The following PCSK6 variants were observed in gnomAD, a reference collection of about 807,000 sequenced individuals.
PCSK6 encodes the protein paired basic amino acid cleaving enzyme 4.
A neutral mutation model predicts 123.3 loss-of-function variants in PCSK6; 85 were observed. The ratio of observed to expected loss-of-function variants is 0.69; its 90% CI spans 0.58 to 0.83. The LOEUF (loss-of-function observed/expected upper bound fraction) is 0.83. PCSK6 is among the 40% of genes least tolerant of loss of function. The probability of loss-of-function intolerance (pLI) is 0.00; values close to 1 mark genes in which losing one functional copy is unlikely to be tolerated. For synonymous variants in PCSK6, 508 were observed against 516.0 expected, an observed-to-expected ratio of 0.98 and a Z score of 0.21; for missense variants, 1,191 against 1,282.3, an observed-to-expected ratio of 0.93 and a Z score of 1.09.
At chr15:101,433,391 T>A (rs1384156693) in intron 2 of PCSK6, among the ~76,000 whole-genome samples, 1 of 152,238 alleles carries the variant, frequency 6.6e-6, no homozygotes, top group Non-Finnish European at 1.5e-5. Context: ...TGAGTGGGAA[T>A]GTTTTCTTTG....
intron 1 of PCSK6, among the ~76,000 whole-genome samples, chr15:101,478,107 T>C (rs1416440053): frequency 6.6e-6 from 1 of 152,124 alleles, no homozygotes; most frequent in East Asian, 1.9e-4. Flanking sequence ...TAGCCTTTCC[T>C]AATAGACACA....
chr15:101,446,267 GC>G (rs1352554665), intron 1 of PCSK6, among the ~76,000 whole-genome samples: 1 of 152,270 alleles, frequency 6.6e-6, no homozygotes, highest in Non-Finnish European at 1.5e-5. Context: ...TCTGTGACTG[GC>G]TTATGTCATT....
At chr15:101,376,732 T>C (rs1216013455) in intron 11 of PCSK6, among the ~76,000 whole-genome samples, 1 of 152,224 alleles carries the variant, frequency 6.6e-6, no homozygotes, top group African/African-American at 2.4e-5. Flanking sequence ...TGCAAGAACA[T>C]AACCAGCTGG....
intron 1 of PCSK6, among the ~76,000 whole-genome samples, chr15:101,446,892 CT>C (rs1156471654): frequency 6.6e-6 from 1 of 152,178 alleles, no homozygotes; most frequent in Non-Finnish European, 1.5e-5. Context: ...AGGCCCCGTC[CT>C]TCTGTCTGAC....
intron 10 of PCSK6, among the ~76,000 whole-genome samples, chr15:101,382,617 G>C (rs780540642): frequency 6.6e-6 from 1 of 152,100 alleles, no homozygotes; most frequent in African/African-American, 2.4e-5. Flanking sequence ...CAATTACCAC[G>C]TGCCCGAAAT....
intron 18 of PCSK6, among the ~76,000 whole-genome samples, chr15:101,320,962 C>A (rs985961899): frequency 3.3e-5 from 5 of 152,216 alleles, no homozygotes; most frequent in Non-Finnish European, 5.9e-5. Context: ...CATTGAGTAT[C>A]CGATTTCCCT....
At chr15:101,352,530 C>T (rs2040920739) in intron 13 of PCSK6, among the ~76,000 whole-genome samples, 1 of 152,196 alleles carries the variant, frequency 6.6e-6, no homozygotes, top group South Asian at 2.1e-4. Context: ...GGCCAATTAT[C>T]AATAACTCTT....
At chr15:101,382,328 C>G (rs1397526718) in intron 10 of PCSK6, 119 bp from the exon 11 acceptor site, 2 of 755,432 alleles carry the variant, frequency 2.6e-6, no homozygotes, top group African/African-American at 3.5e-5. Context: ...CTCGAGGTCT[C>G]CTGGGGGCCC....
At chr15:101,325,323 T>A (rs2040227487) in intron 16 of PCSK6, among the ~76,000 whole-genome samples, 1 of 152,184 alleles carries the variant, frequency 6.6e-6, no homozygotes, top group South Asian at 2.1e-4. Flanking sequence ...AGGTTCGTAT[T>A]TGACTTTTGG....
intron 20 of PCSK6, 99 bp downstream of exon 20, chr15:101,313,277 C>A (rs769227483): frequency 1.4e-5 from 22 of 1,594,004 alleles, no homozygotes; most frequent in Non-Finnish European, 1.9e-5. Flanking sequence ...ATGCAACATG[C>A]CCTCCCCGGC....
chr15:101,324,839 A>G lies in PCSK6; in HGVS notation c.2377+11T>C, dbSNP rs370466251. On this transcript the variant is annotated intron_variant, in intron 17 of 21. Coordinates refer to ENST00000611716, the MANE Select transcript of PCSK6 (RefSeq NM_002570.5). The stretch of plus-strand genomic sequence containing the variant: ...CTCATCAGTTCTTGTACCCACAAAC[A>G]AGCCACTTACTTTCATCAGCATAAA... 1.0e-4 allele frequency: 162 copies of G among 1,605,268 alleles called. 1 individual carries two copies. In the African/African-American group the frequency reaches 1.5e-3, roughly 15 times the overall value.
chr15:101,403,428 TA>T (rs67170668), intron 6 of PCSK6, among the ~76,000 whole-genome samples: 53,651 of 145,006 alleles, frequency 0.37, 10,644 homozygotes, highest in Non-Finnish European at 0.45. Context: ...TAATAATAAT[TA>T]AAAAAAAAGA....
chr15:101,329,247 T>C (rs1010023453), intron 15 of PCSK6, among the ~76,000 whole-genome samples: 6 of 152,134 alleles, frequency 3.9e-5, no homozygotes, highest in Non-Finnish European at 5.9e-5. Context: ...CACAAACAAA[T>C]AAATGTTAGA....
chr15:101,443,304 T>C (rs950347665), intron 2 of PCSK6, among the ~76,000 whole-genome samples: 1 of 152,218 alleles, frequency 6.6e-6, no homozygotes, highest in Admixed American at 6.5e-5. Flanking sequence ...GAGTTTTTGT[T>C]TCATGGGTAA....
chr15:101,380,556 T>C (rs1190707423), intron 11 of PCSK6, among the ~76,000 whole-genome samples: 1 of 152,264 alleles, frequency 6.6e-6, no homozygotes, highest in Non-Finnish European at 1.5e-5. Context: ...AAGTCAAGAC[T>C]GAGGCTTGTC....
At chr15:101,386,649 C>T (rs139512583) in intron 9 of PCSK6, among the ~76,000 whole-genome samples, 2 of 152,306 alleles carry the variant, frequency 1.3e-5, no homozygotes, top group African/African-American at 2.4e-5. Context: ...CTTGAGGGAC[C>T]TCATCATAAT....
intron 1 of PCSK6, among the ~76,000 whole-genome samples, chr15:101,451,623 C>T (rs1032429748): frequency 4.6e-5 from 7 of 152,208 alleles, no homozygotes; most frequent in Non-Finnish European, 5.9e-5. Context: ...TTCCAAACCC[C>T]GTCCGCTCCG....
intron 1 of PCSK6, among the ~76,000 whole-genome samples, chr15:101,485,180 C>T: frequency 6.6e-6 from 1 of 152,216 alleles, no homozygotes; most frequent in East Asian, 1.9e-4. Context: ...CCAATAACCC[C>T]CAGCGAACTT....
intron 13 of PCSK6, among the ~76,000 whole-genome samples, chr15:101,348,264 G>A (rs767577478): frequency 1.4e-4 from 22 of 152,370 alleles, no homozygotes; most frequent in Non-Finnish European, 1.6e-4. Context: ...TGGGGGAGCC[G>A]AGGCAAGGAA....
Sources: gnomAD v4.1 joint callset for allele counts (sites outside exome capture counted in the v4.1 genomes callset) on GRCh38, gnomAD v4.1.1 for gene constraint, MANE v1.5 for transcripts, NCBI Gene and HGNC (gene_info 2026-07-23, HGNC 2026-07-21) for gene names.